The following TIAM2 variants were observed in gnomAD, a reference collection of about 807,000 sequenced individuals.
TIAM2 encodes rho guanine nucleotide exchange factor TIAM2.
In TIAM2, 80 loss-of-function variants were observed where a neutral mutation model predicts 152.9. The observed-to-expected ratio is 0.52, with a 90% confidence interval of 0.44 to 0.63. The LOEUF (loss-of-function observed/expected upper bound fraction) is 0.63, where lower values mean the gene tolerates loss of function less well. TIAM2 is among the 30% of genes least tolerant of loss of function. The pLI is 0.00. For synonymous variants in TIAM2, 804 were observed against 838.0 expected, an observed-to-expected ratio of 0.96 and a Z score of 0.70; for missense variants, 1,965 against 2,120.1, an observed-to-expected ratio of 0.93 and a Z score of 1.44.
intron 1 of TIAM2, among the ~76,000 whole-genome samples, chr6:155,058,815 A>G (rs1290718832): frequency 6.6e-6 from 1 of 152,188 alleles, no homozygotes; most frequent in East Asian, 1.9e-4. Context: ...TTAAGATGAG[A>G]TACATTTCGT....
chr6:155,069,037 G>A (rs775848351), intron 1 of TIAM2, among the ~76,000 whole-genome samples: 11 of 152,028 alleles, frequency 7.2e-5, no homozygotes, highest in Non-Finnish European at 1.2e-4. Flanking sequence ...TCCCATCTTA[G>A]CCTCTCAAAT....
rs988640639 is a variant in TIAM2, at chr6:155,157,433, A to G, written c.2029-6982A>G. Among the ~76,000 whole-genome samples the G allele has an allele frequency of 5.9e-5, 9 of 151,710 alleles. No homozygotes were observed. In the East Asian group the frequency reaches 1.4e-3, roughly 23 times the overall value. On this transcript the variant is annotated intron_variant, in intron 7 of 26. Coordinates refer to ENST00000682666, the MANE Select transcript of TIAM2 (RefSeq NM_012454.4). ...GTAAATAGACCCTTAGGAGAAGTATATTTCTTTTCTTTTTCTTTCTTTTTT... is the reference window on the plus strand; with the variant it reads ...GTAAATAGACCCTTAGGAGAAGTATGTTTCTTTTCTTTTTCTTTCTTTTTT...
At position 155,254,409 on chromosome 6, in the gene TIAM2, C is replaced by T. The variant is rs372799385; in HGVS notation, c.4314-10C>T. ...GACACTTCTGCTGTTTTCTCTCCCC[C>T]CCCACCCAGTGACAGTGAAAGCAAA... On this transcript the variant is annotated splice_polypyrimidine_tract_variant and intron_variant, in intron 25 of 26. Transcript: ENST00000682666. 4 of 1,610,422 alleles carry T rather than the reference C, an allele frequency of 2.5e-6. No individual in the cohort carries two copies. The highest frequency in any genetic ancestry group is 1.3e-5 in the African/African-American group (1 of 74,974).
chr6:155,172,135 T>A (rs1396131713), intron 9 of TIAM2, among the ~76,000 whole-genome samples: 1 of 152,204 alleles, frequency 6.6e-6, no homozygotes, highest in African/African-American at 2.4e-5. Context: ...TAAATACTTC[T>A]GTGGAATGCC....
chr6:155,098,691 C>T (rs1424061635), intron 2 of TIAM2, among the ~76,000 whole-genome samples: 2 of 152,150 alleles, frequency 1.3e-5, no homozygotes, highest in Non-Finnish European at 2.9e-5. Flanking sequence ...ATTTCTTTCT[C>T]TCGCCTAATT....
At chr6:155,007,137 G>A (rs1033413729) in intron 1 of TIAM2, among the ~76,000 whole-genome samples, 6 of 152,158 alleles carry the variant, frequency 3.9e-5, no homozygotes, top group African/African-American at 9.7e-5. Context: ...TAAGACTTGC[G>A]CTTGTAGGGC....
At chr6:155,248,920 A>G (rs1783492236) in intron 20 of TIAM2, among the ~76,000 whole-genome samples, 1 of 152,246 alleles carries the variant, frequency 6.6e-6, no homozygotes, top group Non-Finnish European at 1.5e-5. Flanking sequence ...TACTGAGAAG[A>G]GCGTAAATTA....
At chr6:155,002,865 T>TG (rs1374892298) in intron 1 of TIAM2, among the ~76,000 whole-genome samples, 16 of 149,802 alleles carry the variant, frequency 1.1e-4, no homozygotes, top group Admixed American at 4.0e-4. Context: ...GTGTGTGTGT[T>TG]TTTTTTTTAG....
In TIAM2 at chr6:155,256,727, A is replaced by G. The variant is rs1784063063; in HGVS notation, c.4712A>G (p.Glu1571Gly). 5 of 1,614,172 alleles carry G rather than the reference A, an allele frequency of 3.1e-6. No homozygotes were observed. The highest frequency in any genetic ancestry group is 4.2e-6 in the Non-Finnish European group (5 of 1,180,032). The change falls in exon 27 of 27, where the codon GAA (glutamate) becomes GGA (glycine). Residue 1571 changes from glutamate to glycine, a missense_variant. Transcript: ENST00000682666. ...LIKESDILSD[E>G]DDDHRQTVKQ... is the part of the protein sequence containing the mutation. Reference sequence around the variant, plus strand: ...AAAGAGAGTGACATCCTGAGCGATGAAGATGATGACCACCGTCAGACTGTG... The same window carrying G: ...AAAGAGAGTGACATCCTGAGCGATGGAGATGATGACCACCGTCAGACTGTG...
At chr6:155,138,505 A>G (rs1297395702) in intron 5 of TIAM2, among the ~76,000 whole-genome samples, 1 of 151,616 alleles carries the variant, frequency 6.6e-6, no homozygotes, top group Admixed American at 6.6e-5. Flanking sequence ...TTACATAGGT[A>G]TATGTGTGCC....
At chr6:155,175,100 A>G (rs1169145619) in intron 9 of TIAM2, among the ~76,000 whole-genome samples, 5 of 152,196 alleles carry the variant, frequency 3.3e-5, no homozygotes. Context: ...GGTTCCTGGC[A>G]TCCCTGGCTC....
rs753626019 is a variant in TIAM2 at position 155,254,557 on chromosome 6, T to C, written c.4452T>C (p.Pro1484=). The C allele has an allele frequency of 1.2e-6, 2 of 1,611,726 alleles. No homozygotes were observed. Among genetic ancestry groups the C allele is most frequent in the Non-Finnish European group, 1.7e-6 (2 of 1,177,866 alleles). The change falls in exon 26 of 27, where the codon CCT becomes CCC. Residue 1484 remains proline, a synonymous_variant. Coordinates refer to ENST00000682666, the MANE Select transcript of TIAM2 (RefSeq NM_012454.4). The part of the protein sequence containing the change: ...DRLVPLKNRV[P]VSAKLASSRS... ...TGGTACCTCTTAAGAACCGAGTTCC[T>C]GTTTCGGCCAAATTAGGTGAGAATT...
At position 155,129,492 on chromosome 6, in the gene TIAM2, C is replaced by A; in HGVS notation, c.269C>A (p.Ala90Asp). The A allele has an allele frequency of 6.2e-7, 1 of 1,614,130 alleles. No homozygotes were observed. The highest frequency in any genetic ancestry group is 8.5e-7 in the Non-Finnish European group (1 of 1,180,022). Residue 90 changes from alanine (A) to aspartate (D), a missense_variant, in exon 4 of 27, where the codon GCC becomes GAC. This residue lies in a region of TIAM2 where 1,025 missense variants were observed against 1,119.4 expected (regional missense o/e 0.92). Transcript: ENST00000682666. This position sits in a 1 kb window ranked among gnomAD's most constrained non-coding sequence, Gnocchi z 4.8. Reference sequence around the variant, plus strand: ...ACATGCAAGGTCTCCAGAGGTGTTGCCTACTCCACGCACAGGACAAATGCC... The same window carrying A: ...ACATGCAAGGTCTCCAGAGGTGTTGACTACTCCACGCACAGGACAAATGCC... ...GPTCKVSRGV[A>D]YSTHRTNAPG...
chr6:155,108,316 T>TGA (rs1274019418), intron 2 of TIAM2, among the ~76,000 whole-genome samples: 1 of 152,160 alleles, frequency 6.6e-6, no homozygotes, highest in African/African-American at 2.4e-5. Context: ...AGGTTACAGT[T>TGA]CATAGAAAGA....
intron 26 of TIAM2, chr6:155,255,921 G>T (rs1257031627): frequency 6.2e-6 from 1 of 160,906 alleles, no homozygotes; most frequent in Non-Finnish European, 1.3e-5. Flanking sequence ...GAGATGGGAG[G>T]ATCACTTGAG....
intron 14 of TIAM2, among the ~76,000 whole-genome samples, chr6:155,190,749 A>G (rs1414202852): frequency 2.6e-5 from 4 of 152,200 alleles, no homozygotes; most frequent in Non-Finnish European, 5.9e-5. Context: ...CTATGAAGGT[A>G]GAGTGAGCCG....
chr6:155,248,220 G>A lies in TIAM2; in HGVS notation c.3832+41G>A, dbSNP rs776549733. 2.5e-6 allele frequency: 4 copies of A among 1,577,260 alleles called. No individual in the cohort carries two copies. In the South Asian group the frequency reaches 4.6e-5, roughly 18 times the overall value. On this transcript the variant is annotated intron_variant, in intron 20 of 26. Coordinates refer to ENST00000682666, the MANE Select transcript of TIAM2 (RefSeq NM_012454.4). Reference sequence around the variant, plus strand: ...CACCTCCGGGCGAGGGCCTGCACAGGGCGGCGAGGGGCTGCCAGCCGTGCC... The same window carrying A: ...CACCTCCGGGCGAGGGCCTGCACAGAGCGGCGAGGGGCTGCCAGCCGTGCC...
chr6:155,196,588 A>G (rs1022520205), intron 14 of TIAM2, among the ~76,000 whole-genome samples: 6 of 152,236 alleles, frequency 3.9e-5, no homozygotes, highest in Non-Finnish European at 5.9e-5. Context: ...AACGTTATCT[A>G]TAAAATTCCA....
chr6:155,041,258 T>A (rs189021057), intron 1 of TIAM2, among the ~76,000 whole-genome samples: 31 of 152,334 alleles, frequency 2.0e-4, no homozygotes, highest in African/African-American at 7.2e-4. Context: ...ATTGAAAGAT[T>A]TTTGTTTTTT....
Sources: gnomAD v4.1 joint callset for allele counts (sites outside exome capture counted in the v4.1 genomes callset) on GRCh38, gnomAD v4.1.1 for gene constraint, gnomAD v4.1.1 regional missense constraint, Gnocchi (gnomAD v3.1) non-coding constraint, MANE v1.5 for transcripts, NCBI Gene and HGNC (gene_info 2026-07-23, HGNC 2026-07-21) for gene names.